The following NAPG variants were observed in gnomAD, a reference collection of about 807,000 sequenced individuals.
NAPG encodes the protein NSF attachment protein gamma.
Under a neutral mutation model 48.4 loss-of-function variants are expected in NAPG, and 25 were observed. That is an observed-to-expected ratio of 0.52 (90% CI 0.38 to 0.72). The LOEUF (loss-of-function observed/expected upper bound fraction) is 0.72, where lower values mean the gene tolerates loss of function less well. Among genes scored for constraint, NAPG ranks in the 30% least tolerant of loss-of-function variants. NAPG has a pLI of 0.00. For missense variants in NAPG, 359 were observed against 372.5 expected, an observed-to-expected ratio of 0.96 and a Z score of 0.30; for synonymous variants, 139 against 127.2, an observed-to-expected ratio of 1.09 and a Z score of -0.62.
Position 10,549,092 on chromosome 18 carries a change from A to G in NAPG, c.791A>G (p.Asn264Ser), listed in dbSNP as rs771038200. ...CNSPLFKYMDNDYAKLGLSLV... is the reference protein window; with the variant it reads ...CNSPLFKYMDSDYAKLGLSLV... Reference sequence around the variant, plus strand: ...TCACCGCTTTTCAAGTACATGGACAATGATGTAAGTGGACCCATTTGCATA... The same window carrying G: ...TCACCGCTTTTCAAGTACATGGACAGTGATGTAAGTGGACCCATTTGCATA... The change falls in exon 11 of 12, where the codon AAT (asparagine) becomes AGT (serine). Residue 264 changes from asparagine to serine, a missense_variant. Physicochemically the swap from Asn to Ser is conservative, Grantham distance 46. Transcript: ENST00000322897. The G allele has an allele frequency of 1.5e-5, 24 of 1,613,142 alleles. No individual in the cohort carries two copies. The highest frequency in any genetic ancestry group is 2.7e-5 in the African/African-American group (2 of 74,910).
chr18:10,530,394 G>A (rs1156497983), intron 1 of NAPG, among the ~76,000 whole-genome samples: 1 of 151,874 alleles, frequency 6.6e-6, no homozygotes, highest in Non-Finnish European at 1.5e-5. Context: ...CTCTGCTGTC[G>A]ATACTGTGCT....
At position 10,526,116 on chromosome 18, in the gene NAPG, A is replaced by T; in HGVS notation, c.14A>T (p.Lys5Met). 6.2e-7 allele frequency: 1 copy of T among 1,613,718 alleles called. No homozygotes were observed. The highest frequency in any genetic ancestry group is 2.2e-5 in the East Asian group (1 of 44,866). ...CTGACTGTGGAGATGGCGGCTCAGA[A>T]GATAAACGAGGGGCTGGAACACCTC... MAAQ[K>M]INEGLEHLAK... The change falls in exon 1 of 12, where the codon AAG becomes ATG. Residue 5 changes from lysine (K) to methionine (M), a missense_variant. Lys to Met is a moderately conservative substitution (Grantham distance 95). Transcript: ENST00000322897.
rs1319206504 is a variant in NAPG at position 10,548,998 on chromosome 18, G to A, written c.697G>A (p.Ala233Thr). Residue 233 changes from alanine to threonine, a missense_variant, in exon 11 of 12, where the codon GCT (alanine) becomes ACT (threonine). Physicochemically the swap from Ala to Thr is moderately conservative, Grantham distance 58. Coordinates refer to ENST00000322897, the MANE Select transcript of NAPG (RefSeq NM_003826.3). The surrounding 1 kb of genome is among the most constrained non-coding windows in gnomAD (Gnocchi z 4.4). ...TGGGTTCAATGGCAGTGAAGACTGT[G>A]CTGCCCTGGAACAGCTTCTTGAAGG... Reference protein sequence around the residue: ...IPGFNGSEDCAALEQLLEGYD... With the variant: ...IPGFNGSEDCTALEQLLEGYD... 13 of 1,613,890 alleles carry A rather than the reference G, an allele frequency of 8.1e-6. No individual in the cohort carries two copies. Among genetic ancestry groups the A allele is most frequent in the Non-Finnish European group, 1.1e-5 (13 of 1,179,796 alleles).
At chr18:10,541,585 C>T (rs1276524580) in intron 8 of NAPG, among the ~76,000 whole-genome samples, 1 of 152,172 alleles carries the variant, frequency 6.6e-6, no homozygotes, top group Admixed American at 6.5e-5. Flanking sequence ...GGCCCCATGT[C>T]TTAGAAACAG....
chr18:10,531,447 G>A (rs1450020714), intron 2 of NAPG, among the ~76,000 whole-genome samples: 1 of 152,144 alleles, frequency 6.6e-6, no homozygotes, highest in Non-Finnish European at 1.5e-5. Context: ...GCATACCTGT[G>A]ATAATTTGCA....
At position 10,544,594 on chromosome 18, in the gene NAPG, C is replaced by G. The variant is rs529571517; in HGVS notation, c.507-1732C>G. Among the ~76,000 whole-genome samples the G allele has an allele frequency of 6.6e-6, 1 of 152,184 alleles. No homozygotes were observed. Among genetic ancestry groups the G allele is most frequent in the Non-Finnish European group, 1.5e-5 (1 of 68,036 alleles). ...TTCGAGACATCAGGAGTACTCTGGC[C>G]TCTAACTTAAGGAAGGGCCCACCTG... On this transcript the variant is annotated intron_variant, in intron 8 of 11. Transcript: ENST00000322897. This position sits in a 1 kb window ranked among gnomAD's most constrained non-coding sequence, Gnocchi z 5.1.
Position 10,534,789 on chromosome 18 carries a change from G to A in NAPG, c.258+293G>A, listed in dbSNP as rs531258820. 1.3e-5 allele frequency among the ~76,000 whole-genome samples: 2 copies of A among 152,298 alleles called. No individual in the cohort carries two copies. The highest frequency in any genetic ancestry group is 2.4e-5 in the African/African-American group (1 of 41,570). ...TATTGCTATAAAAAGAGCTCTATGGGAAGTTTCTCTACTTTTGAGAAGGAC... is the reference window on the plus strand; with the variant it reads ...TATTGCTATAAAAAGAGCTCTATGGAAAGTTTCTCTACTTTTGAGAAGGAC... On this transcript the variant is annotated intron_variant, in intron 5 of 11. Coordinates refer to ENST00000322897, the MANE Select transcript of NAPG (RefSeq NM_003826.3). This position sits in a 1 kb window ranked among gnomAD's most constrained non-coding sequence, Gnocchi z 5.0.
intron 8 of NAPG, among the ~76,000 whole-genome samples, chr18:10,545,247 G>A (rs1387452422): frequency 1.3e-5 from 2 of 152,128 alleles, no homozygotes; most frequent in African/African-American, 4.8e-5. Context: ...GGGAGGCAGA[G>A]GTTGCGGTGA....
rs116893607 is a variant in NAPG, at chr18:10,548,406, T to G, written c.665+28T>G. The G allele has an allele frequency of 2.8e-5, 44 of 1,570,310 alleles. No homozygotes were observed. The highest frequency in any genetic ancestry group is 1.4e-5 in the African/African-American group (1 of 73,928). ...AAGACGTTGTCTGGGCCCTCTTGAC[T>G]TGCAGTGGCGACACCTCTGTGTCTA... On this transcript the variant is annotated intron_variant, in intron 10 of 11. Transcript: ENST00000322897. This position sits in a 1 kb window ranked among gnomAD's most constrained non-coding sequence, Gnocchi z 4.4.
chr18:10,532,107 C>A (rs534360089), intron 2 of NAPG, among the ~76,000 whole-genome samples: 1 of 152,098 alleles, frequency 6.6e-6, no homozygotes, highest in East Asian at 1.9e-4. Context: ...TATAAGCACT[C>A]CTGTTTTGTT....
intron 2 of NAPG, among the ~76,000 whole-genome samples, chr18:10,532,365 G>A (rs540170119): frequency 1.3e-5 from 2 of 152,304 alleles, no homozygotes; most frequent in South Asian, 4.1e-4. Flanking sequence ...AACTGGTGAA[G>A]TAAGGTGCTG....
rs748657703 is a variant in NAPG, at chr18:10,548,968, A to G, written c.667A>G (p.Ile223Val). ...AERCVRESYS[I>V]PGFNGSEDCA... is the part of the protein sequence containing the mutation. The stretch of plus-strand genomic sequence containing the variant: ...ACGTGTGATTTGTGCTTACTGCAGC[A>G]TCCCTGGGTTCAATGGCAGTGAAGA... Residue 223 changes from isoleucine (I) to valine (V), a missense_variant and splice_region_variant, in exon 11 of 12, where the codon ATC becomes GTC. Transcript: ENST00000322897. The surrounding 1 kb of genome is among the most constrained non-coding windows in gnomAD (Gnocchi z 4.4). 5.0e-6 allele frequency: 8 copies of G among 1,613,162 alleles called. No homozygotes were observed. Among genetic ancestry groups the G allele is most frequent in the Admixed American group, 3.3e-5 (2 of 59,916 alleles).
At chr18:10,549,937 G>GT (rs2032351655) in intron 11 of NAPG, 140 bp from the exon 12 acceptor site, 1 of 776,222 alleles carries the variant, frequency 1.3e-6, no homozygotes, top group African/African-American at 1.8e-5. Context: ...GAGCAGCATT[G>GT]TTGGGCTTTG....
rs1283623342 is a variant in NAPG, at chr18:10,548,684, A to G, written c.666-283A>G. ...AAAAATTATCAGATTTATGTTACAG[A>G]AATCAAAATGAGGAATTTTCTCGGT... is the stretch of plus-strand genomic sequence containing the variant. On this transcript the variant is annotated intron_variant, in intron 10 of 11. Coordinates refer to ENST00000322897, the MANE Select transcript of NAPG (RefSeq NM_003826.3). The surrounding 1 kb of genome is among the most constrained non-coding windows in gnomAD (Gnocchi z 4.4). Among the ~76,000 whole-genome samples the G allele has an allele frequency of 1.3e-5, 2 of 152,200 alleles. No homozygotes were observed. The highest frequency in any genetic ancestry group is 4.8e-5 in the African/African-American group (2 of 41,452).
intron 11 of NAPG, among the ~76,000 whole-genome samples, chr18:10,549,692 A>G (rs1404043978): frequency 6.6e-6 from 1 of 152,176 alleles, no homozygotes; most frequent in East Asian, 1.9e-4. Context: ...CTTTTTCAGT[A>G]GATTTGTAAG....
chr18:10,540,514 C>G, intron 8 of NAPG, 115 bp downstream of exon 8: 1 of 694,770 alleles, frequency 1.4e-6, no homozygotes, highest in Non-Finnish European at 2.5e-6. Flanking sequence ...TGTAGACACA[C>G]CAGGCCACAC....
At position 10,550,292 on chromosome 18, in the gene NAPG, A is replaced by G. The variant is rs2032361360; in HGVS notation, c.*72A>G. On this transcript the variant is annotated 3_prime_UTR_variant, in exon 12 of 12. Transcript: ENST00000322897. Reference sequence around the variant, plus strand: ...CATGCCATTTCAAGGACTTGGGAATAGATTAGGGATATCCGTACTTCATTA... The same window carrying G: ...CATGCCATTTCAAGGACTTGGGAATGGATTAGGGATATCCGTACTTCATTA... 1.4e-6 allele frequency: 2 copies of G among 1,466,850 alleles called. No homozygotes were observed. Among genetic ancestry groups the G allele is most frequent in the Admixed American group, 5.3e-5 (2 of 37,660 alleles). 90.9% of individuals were successfully genotyped at this position (1,466,850 alleles called of 1,614,324 possible).
At chr18:10,530,412 T>C (rs189107205) in intron 1 of NAPG, among the ~76,000 whole-genome samples, 168 of 152,140 alleles carry the variant, frequency 1.1e-3, no homozygotes, top group Non-Finnish European at 1.6e-3. Context: ...GCTTCAGAGG[T>C]TCTAAAGCTT....
intron 1 of NAPG, among the ~76,000 whole-genome samples, chr18:10,529,903 G>A (rs1027712460): frequency 2.0e-4 from 31 of 152,288 alleles, no homozygotes. Flanking sequence ...GTGCAAGCAG[G>A]CCTTCACTAA....
Sources: gnomAD v4.1 joint callset for allele counts (sites outside exome capture counted in the v4.1 genomes callset) on GRCh38, gnomAD v4.1.1 for gene constraint, Gnocchi (gnomAD v3.1) non-coding constraint, MANE v1.5 for transcripts, NCBI Gene and HGNC (gene_info 2026-07-23, HGNC 2026-07-21) for gene names.